The following CCDC144A variants were observed in gnomAD, a reference collection of about 807,000 sequenced individuals.
The protein encoded by CCDC144A is coiled-coil domain-containing protein 144A.
In CCDC144A, 41 loss-of-function variants were observed where a neutral mutation model predicts 143.8. The observed-to-expected ratio is 0.29, with a 90% CI of 0.22 to 0.37. The LOEUF (loss-of-function observed/expected upper bound fraction) is 0.37. CCDC144A is among the 10% of genes least tolerant of loss of function. The pLI, the probability that CCDC144A is intolerant of heterozygous loss-of-function variation, is 1.00. For missense variants in CCDC144A, 637 were observed against 1,488.8 expected (o/e 0.43, Z 9.41); for synonymous variants, 242 against 517.9 (o/e 0.47, Z 7.23).
the CCDC144A span, among the ~76,000 whole-genome samples, chr17:16,669,386 C>A: frequency 1.3e-5 from 2 of 152,192 alleles, no homozygotes; most frequent in Non-Finnish European, 2.9e-5. Context: ...ACAGTCCACC[C>A]GGAACACACA....
the CCDC144A span, chr17:16,683,550 T>C: frequency 2.5e-6 from 4 of 1,590,468 alleles, no homozygotes; most frequent in Non-Finnish European, 3.5e-6. Context: ...GTCCGCGGTC[T>C]TTCTGACCGG....
At chr17:16,675,482 C>T in the CCDC144A span, among the ~76,000 whole-genome samples, 27 of 150,872 alleles carry the variant, frequency 1.8e-4, no homozygotes, top group African/African-American at 6.6e-4. Flanking sequence ...GAAATGCTTA[C>T]AGCTTCCCAC....
intron 11 of CCDC144A, among the ~76,000 whole-genome samples, chr17:16,733,714 G>A (rs909715145): frequency 1.0e-3 from 155 of 151,750 alleles, no homozygotes; most frequent in African/African-American, 3.6e-3. Context: ...CAACACAGAA[G>A]TAATTGTGGT....
intron 15 of CCDC144A, among the ~76,000 whole-genome samples, chr17:16,768,753 A>C (rs1915709119): frequency 6.6e-6 from 1 of 152,026 alleles, no homozygotes; most frequent in Admixed American, 6.5e-5. Flanking sequence ...CTTTGTATTT[A>C]TTGGACTTTG....
chr17:16,757,525 G>A (rs1277687068), intron 12 of CCDC144A, among the ~76,000 whole-genome samples: 2 of 152,244 alleles, frequency 1.3e-5, no homozygotes, highest in Non-Finnish European at 2.9e-5. Context: ...TCAGGGTCCT[G>A]GACAGTGTAT....
rs1480553375 is a variant in CCDC144A at position 16,775,206 on chromosome 17, A to G, written c.*1573A>G. On this transcript the variant is annotated 3_prime_UTR_variant, in exon 17 of 17. Transcript: ENST00000399273. Reference sequence around the variant, plus strand: ...GTGTATCTTTATACTAGAATTAGTTATATTCCTTTGGGTATATACCAAGTA... The same window carrying G: ...GTGTATCTTTATACTAGAATTAGTTGTATTCCTTTGGGTATATACCAAGTA... 1 of 152,272 alleles carries G rather than the reference A, an allele frequency of 6.6e-6. No homozygotes were observed. Among genetic ancestry groups the G allele is most frequent in the Non-Finnish European group, 1.5e-5 (1 of 68,068 alleles). 9.4% of individuals were successfully genotyped at this position (152,272 alleles called of 1,614,324 possible). A position where few individuals can be genotyped will look rare whatever the true frequency, so the allele number is the denominator to read the frequency against.
At chr17:16,673,763 T>C in the CCDC144A span, among the ~76,000 whole-genome samples, 1 of 152,136 alleles carries the variant, frequency 6.6e-6, no homozygotes, top group Non-Finnish European at 1.5e-5. Context: ...CCATATACTT[T>C]TGTTATTACA....
chr17:16,675,804 C>G, the CCDC144A span, among the ~76,000 whole-genome samples: 1 of 151,838 alleles, frequency 6.6e-6, no homozygotes, highest in Non-Finnish European at 1.5e-5. Context: ...GTGCTGTGGC[C>G]CCATCTCGGC....
chr17:16,776,606 A>T lies in CCDC144A; in HGVS notation c.*2973A>T, dbSNP rs1200587668. 6.6e-6 allele frequency: 1 copy of T among 152,204 alleles called. No homozygotes were observed. Among genetic ancestry groups the T allele is most frequent in the Admixed American group, 6.5e-5 (1 of 15,272 alleles). The allele number at this position is 152,204 out of a possible 1,614,324, so 9.4% of individuals were successfully genotyped here. A position where few individuals can be genotyped will look rare whatever the true frequency, so the allele number is the denominator to read the frequency against. Reference sequence around the variant, plus strand: ...TCAGCTAAGAAGTTTTTGAGCTGAGATGATGGAGTTTTCTAGATATAGGAT... The same window carrying T: ...TCAGCTAAGAAGTTTTTGAGCTGAGTTGATGGAGTTTTCTAGATATAGGAT... On this transcript the variant is annotated 3_prime_UTR_variant, in exon 17 of 17. Coordinates refer to ENST00000399273, the MANE Select transcript of CCDC144A (RefSeq NM_001382000.1).
chr17:16,672,611 A>C, the CCDC144A span, among the ~76,000 whole-genome samples: 3 of 152,176 alleles, frequency 2.0e-5, no homozygotes, highest in African/African-American at 7.2e-5. Context: ...CAGTAACATT[A>C]ACCTATATTT....
chr17:16,765,713 A>C (rs1007488502), intron 15 of CCDC144A: 11 of 151,214 alleles, frequency 7.3e-5, no homozygotes, highest in Non-Finnish European at 1.5e-4. Flanking sequence ...TGATTGTTTT[A>C]ATACATAGAT....
intron 6 of CCDC144A, 75 bp downstream of exon 6, chr17:16,711,890 G>A: frequency 3.9e-6 from 6 of 1,530,410 alleles, no homozygotes; most frequent in Non-Finnish European, 5.3e-6. Context: ...CAGCAATTTG[G>A]GAGGCCAAGG....
At chr17:16,683,585 C>T in the CCDC144A span, 1 of 1,610,412 alleles carries the variant, frequency 6.2e-7, no homozygotes, top group Admixed American at 1.7e-5. Context: ...CACAGGTGGA[C>T]CGGTTTCCTG....
chr17:16,668,346 A>T, the CCDC144A span, among the ~76,000 whole-genome samples: 1 of 152,140 alleles, frequency 6.6e-6, no homozygotes, highest in Non-Finnish European at 1.5e-5. Flanking sequence ...TACCATATTT[A>T]AGTTTATTTT....
chr17:16,716,855 C>T, intron 6 of CCDC144A, among the ~76,000 whole-genome samples: 1 of 149,988 alleles, frequency 6.7e-6, no homozygotes, highest in Non-Finnish European at 1.5e-5. Flanking sequence ...GCTCTGTCGC[C>T]CAGGCTGGAG....
At chr17:16,767,898 G>A (rs1460006446) in intron 15 of CCDC144A, among the ~76,000 whole-genome samples, 1 of 152,172 alleles carries the variant, frequency 6.6e-6, no homozygotes, top group Non-Finnish European at 1.5e-5. Context: ...CTGAGAGTCG[G>A]GCTGCTATTT....
the CCDC144A span, among the ~76,000 whole-genome samples, chr17:16,677,849 A>G: frequency 2.6e-5 from 4 of 152,018 alleles, no homozygotes; most frequent in East Asian, 5.8e-4. Context: ...GGTAAATTGT[A>G]TATACATGCA....
chr17:16,772,507 A>C (rs1056891655), intron 16 of CCDC144A: 2 of 667,880 alleles, frequency 3.0e-6, no homozygotes, highest in African/African-American at 3.7e-5. Context: ...AAATTCCTTA[A>C]CATGTAATAT....
At chr17:16,684,384 G>A in the CCDC144A span, among the ~76,000 whole-genome samples, 16 of 152,080 alleles carry the variant, frequency 1.1e-4, no homozygotes, top group African/African-American at 3.9e-4. Flanking sequence ...GGCTGGGCGC[G>A]GTGGCTCACG....
Sources: gnomAD v4.1 joint callset for allele counts (sites outside exome capture counted in the v4.1 genomes callset) on GRCh38, gnomAD v4.1.1 for gene constraint, MANE v1.5 for transcripts, NCBI Gene and HGNC (gene_info 2026-07-23, HGNC 2026-07-21) for gene names.